Variants in TLDC2 observed in about 807,000 individuals in gnomAD.
The protein encoded by TLDC2 is TBC/LysM-associated domain containing 2.
A neutral mutation model predicts 27.9 loss-of-function variants in TLDC2; 23 were observed. That is an observed-to-expected ratio of 0.82 (90% CI 0.59 to 1.17). The LOEUF (loss-of-function observed/expected upper bound fraction) is 1.17, where lower values mean the gene tolerates loss of function less well. Ranked by LOEUF, TLDC2 falls within the 50% of genes most tolerant of loss-of-function variation. TLDC2 has a pLI of 0.00. For synonymous variants in TLDC2, 124 were observed against 107.4 expected, an observed-to-expected ratio of 1.16 and a Z score of -0.96; for missense variants, 286 against 273.4, an observed-to-expected ratio of 1.05 and a Z score of -0.32.
rs1192884407 is a variant in TLDC2, at chr20:36,892,977, T to C, written c.*133T>C. On this transcript the variant is annotated 3_prime_UTR_variant, in exon 7 of 7. Coordinates refer to ENST00000217320, the MANE Select transcript of TLDC2 (RefSeq NM_080628.3). ...AAAGCTGGACTCTGCTTTTGGATGC[T>C]TCTCGGAGGCGAGTTGGATTTTGGA... 1 of 1,614,112 alleles carries C rather than the reference T, an allele frequency of 6.2e-7. No homozygotes were observed.
intron 4 of TLDC2, among the ~76,000 whole-genome samples, chr20:36,882,647 C>T (rs1989840298): frequency 6.6e-6 from 1 of 152,182 alleles, no homozygotes; most frequent in African/African-American, 2.4e-5. Flanking sequence ...ACACAGTCAT[C>T]TGGTCTCATG....
At chr20:36,883,059 G>C (rs1249907040) in intron 4 of TLDC2, among the ~76,000 whole-genome samples, 5 of 151,916 alleles carry the variant, frequency 3.3e-5, no homozygotes, top group Non-Finnish European at 7.4e-5. Flanking sequence ...TGTATGCTGA[G>C]GGTCTCTTCC....
intron 6 of TLDC2, chr20:36,889,927 G>T (rs1372274155): frequency 6.6e-6 from 1 of 152,190 alleles, no homozygotes; most frequent in Non-Finnish European, 1.5e-5. Flanking sequence ...GTGTGTGTGT[G>T]TGTATACTTA....
intron 3 of TLDC2, among the ~76,000 whole-genome samples, chr20:36,879,700 C>T (rs7264730): frequency 0.014 from 2,073 of 151,744 alleles, 44 homozygotes; most frequent in African/African-American, 0.046. Flanking sequence ...AACCAAAAAC[C>T]AACAACAACC....
At chr20:36,885,477 C>T (rs189410550) in intron 4 of TLDC2, among the ~76,000 whole-genome samples, 72 of 152,254 alleles carry the variant, frequency 4.7e-4, no homozygotes, top group African/African-American at 1.6e-3. Flanking sequence ...CTATTCCAAA[C>T]GGCACCATGA....
chr20:36,893,189 C>A lies in TLDC2; in HGVS notation c.*345C>A. 2 of 1,232,308 alleles carry A rather than the reference C, an allele frequency of 1.6e-6. No individual in the cohort carries two copies. Among genetic ancestry groups the A allele is most frequent in the Non-Finnish European group, 2.3e-6 (2 of 860,394 alleles). The allele number at this position is 1,232,308 out of a possible 1,614,324, so 76.3% of individuals were successfully genotyped here. On this transcript the variant is annotated 3_prime_UTR_variant, in exon 7 of 7. Coordinates refer to ENST00000217320, the MANE Select transcript of TLDC2 (RefSeq NM_080628.3). ...CATATAGATTGCTTCTAGCTGTCCT[C>A]AATCCAGGGAAACTCCAAATTACAT...
At chr20:36,882,567 C>T (rs1989838674) in intron 4 of TLDC2, among the ~76,000 whole-genome samples, 1 of 152,056 alleles carries the variant, frequency 6.6e-6, no homozygotes, top group Non-Finnish European at 1.5e-5. Flanking sequence ...TGGATGAAGT[C>T]GTTCCAGGTA....
rs145993686 is a variant in TLDC2, at chr20:36,879,213, C to T, written c.342+20C>T. ...GGGCAGGTGAGCTGGGCAGGGGCACCACCCGAGGCTCTGGGGGCACCCCAC... is the reference window on the plus strand; with the variant it reads ...GGGCAGGTGAGCTGGGCAGGGGCACTACCCGAGGCTCTGGGGGCACCCCAC... On this transcript the variant is annotated intron_variant, in intron 3 of 6. Transcript: ENST00000217320. 5.0e-6 allele frequency: 8 copies of T among 1,605,022 alleles called. No homozygotes were observed. In the African/African-American group the frequency reaches 6.7e-5, roughly 13 times the overall value.
At chr20:36,885,254 G>A (rs941068483) in intron 4 of TLDC2, among the ~76,000 whole-genome samples, 7 of 152,042 alleles carry the variant, frequency 4.6e-5, no homozygotes, top group African/African-American at 1.7e-4. Context: ...TTTGTCTATT[G>A]TATTCAGCAG....
chr20:36,878,306 C>T (rs532868264), intron 2 of TLDC2, among the ~76,000 whole-genome samples: 192 of 152,304 alleles, frequency 1.3e-3, no homozygotes, highest in Admixed American at 4.1e-3. Context: ...CTAGGACGGG[C>T]GCGGTGGCTC....
intron 2 of TLDC2, 44 bp downstream of exon 2, chr20:36,878,098 A>G: frequency 6.3e-7 from 1 of 1,581,230 alleles, no homozygotes. Context: ...CCCTAAACCT[A>G]AGAGTCTCAC....
intron 4 of TLDC2, among the ~76,000 whole-genome samples, chr20:36,886,307 G>C (rs1161378091): frequency 6.6e-6 from 1 of 152,048 alleles, no homozygotes; most frequent in Non-Finnish European, 1.5e-5. Flanking sequence ...TTAAAAATTT[G>C]TTTTAGGGCC....
rs772163614 is a variant in TLDC2, at chr20:36,877,998, A to C, written c.133A>C (p.Thr45Pro). ...CCCAGCTGCTGCTCCTGAGGATCCC[A>C]CGGTGCCCCAGCTGACAGAAGCCAG... ...PDPAAAPEDP[T>P]VPQLTEASQV... Residue 45 changes from threonine (T) to proline (P), a missense_variant, in exon 2 of 7, where the codon ACG (threonine) becomes CCG (proline). Physicochemically the swap from Thr to Pro is conservative, Grantham distance 38. Coordinates refer to ENST00000217320, the MANE Select transcript of TLDC2 (RefSeq NM_080628.3). The C allele has an allele frequency of 1.8e-5, 29 of 1,614,004 alleles. No homozygotes were observed. In the East Asian group the frequency reaches 6.5e-4, roughly 36 times the overall value.
At chr20:36,879,246 T>C in intron 3 of TLDC2, 53 bp downstream of exon 3, 1 of 1,569,114 alleles carries the variant, frequency 6.4e-7, no homozygotes, top group Non-Finnish European at 8.6e-7. Context: ...CACCAGGTAC[T>C]CATGGGCCCT....
chr20:36,882,545 T>A (rs1291129), intron 4 of TLDC2, among the ~76,000 whole-genome samples: 8 of 151,922 alleles, frequency 5.3e-5, no homozygotes, highest in Admixed American at 2.6e-4. Flanking sequence ...AATTTTTTTT[T>A]AAATTGTTCA....
chr20:36,876,703 A>C (rs959066709), intron 1 of TLDC2, among the ~76,000 whole-genome samples: 4 of 151,882 alleles, frequency 2.6e-5, no homozygotes, highest in Admixed American at 2.6e-4. Flanking sequence ...AAATGCACTC[A>C]TACACACTCA....
chr20:36,879,433 A>G (rs1177729974), intron 3 of TLDC2, among the ~76,000 whole-genome samples: 5 of 152,208 alleles, frequency 3.3e-5, no homozygotes, highest in African/African-American at 1.2e-4. Flanking sequence ...AGCAGAATCA[A>G]CCCAGAAGAG....
chr20:36,880,033 C>A (rs1466035070), intron 3 of TLDC2, among the ~76,000 whole-genome samples: 2 of 105,970 alleles, frequency 1.9e-5, no homozygotes, highest in African/African-American at 3.1e-5. Context: ...ATTACTTCTA[C>A]TTTTTTCTGT....
At chr20:36,879,215 C>T (rs1246038236) in intron 3 of TLDC2, 22 bp downstream of exon 3, 2 of 1,604,642 alleles carry the variant, frequency 1.2e-6, no homozygotes, top group East Asian at 4.5e-5. Flanking sequence ...AGGGGCACCA[C>T]CCGAGGCTCT....
Sources: allele counts gnomAD v4.1 joint callset (sites outside exome capture counted in the v4.1 genomes callset), GRCh38; gene constraint gnomAD v4.1.1; transcripts MANE v1.5; gene names NCBI Gene and HGNC (gene_info 2026-07-23, HGNC 2026-07-21).